The following RNASE4 variants were observed in gnomAD, a reference collection of about 807,000 sequenced individuals.
RNASE4 encodes the protein ribonuclease A family member 4.
For synonymous variants in RNASE4, 93 were observed against 71.4 expected (o/e 1.30, Z -1.52); for missense variants, 194 against 192.8 (o/e 1.01, Z -0.04).
intron 1 of RNASE4, among the ~76,000 whole-genome samples, chr14:20,691,677 T>G (rs1042838845): frequency 1.3e-5 from 2 of 152,374 alleles, no homozygotes; most frequent in African/African-American, 4.8e-5. Context: ...ACAAATTTGA[T>G]GCACTGCTGA....
At chr14:20,693,835 G>GA in intron 1 of RNASE4, 1 of 1,614,218 alleles carries the variant, frequency 6.2e-7, no homozygotes, top group Non-Finnish European at 8.5e-7. Flanking sequence ...CCCTCACAGA[G>GA]AAAACCTAAG....
Position 20,693,601 on chromosome 14 carries a change from G to C in RNASE4, c.-17-5754G>C, listed in dbSNP as rs1007714988. The stretch of plus-strand genomic sequence containing the variant: ...CCTGGGCGTTTTGTTGTTGGTCTTC[G>C]TGCTGGGTCTGGGTCTGACCCCACC... On this transcript the variant is annotated intron_variant, in intron 1 of 1. Transcript: ENST00000555835. 3.1e-6 allele frequency: 5 copies of C among 1,613,676 alleles called. No individual in the cohort carries two copies. The African/African-American group carries it at 5.3e-5, about 17-fold the overall frequency.
chr14:20,699,541 T>C lies in RNASE4; in HGVS notation c.170T>C (p.Met57Thr). The C allele has an allele frequency of 1.9e-6, 3 of 1,614,214 alleles. No homozygotes were observed. The highest frequency in any genetic ancestry group is 1.7e-6 in the Non-Finnish European group (2 of 1,180,046). Residue 57 changes from methionine to threonine, a missense_variant, in exon 2 of 2, where the codon ATG becomes ACG. Coordinates refer to ENST00000555835, the MANE Select transcript of RNASE4 (RefSeq NM_002937.5). ...AGTGATCGCTACTGCAACTTGATGA[T>C]GCAAAGACGGAAGATGACTTTGTAT... ...GGSDRYCNLM[M>T]QRRKMTLYHC...
chr14:20,700,190 A>T lies in RNASE4; in HGVS notation c.*375A>T. ...CTTATAATGATGTCACTACATATAGAAGCTCAAAGTTAAGGGATTTGCTGA... is the reference window on the plus strand; with the variant it reads ...CTTATAATGATGTCACTACATATAGTAGCTCAAAGTTAAGGGATTTGCTGA... On this transcript the variant is annotated 3_prime_UTR_variant, in exon 2 of 2. Coordinates refer to ENST00000555835, the MANE Select transcript of RNASE4 (RefSeq NM_002937.5). The T allele has an allele frequency of 5.5e-6, 1 of 183,446 alleles. No individual in the cohort carries two copies. The highest frequency in any genetic ancestry group is 1.3e-5 in the Non-Finnish European group (1 of 78,026). 11.4% of individuals were successfully genotyped at this position (183,446 alleles called of 1,614,324 possible). A position where few individuals can be genotyped will look rare whatever the true frequency, so the allele number is the denominator to read the frequency against.
rs181271849 is a variant in RNASE4, at chr14:20,685,589, A to G, written c.-18+831A>G. Among the ~76,000 whole-genome samples the G allele has an allele frequency of 9.8e-5, 15 of 152,348 alleles. No homozygotes were observed. In the East Asian group the frequency reaches 1.3e-3, roughly 14 times the overall value. ...TTTTGCAAGAGGATAGGTTTATTAC[A>G]TACGCTTCAATTCAAGCAATTCTTT... is the stretch of plus-strand genomic sequence containing the variant. On this transcript the variant is annotated intron_variant, in intron 1 of 1. Coordinates refer to ENST00000555835, the MANE Select transcript of RNASE4 (RefSeq NM_002937.5).
chr14:20,698,343 G>T (rs940960110), intron 1 of RNASE4, among the ~76,000 whole-genome samples: 2 of 152,148 alleles, frequency 1.3e-5, no homozygotes, highest in Non-Finnish European at 2.9e-5. Context: ...TATCTCCATG[G>T]CCTAGATTTT....
intron 1 of RNASE4, among the ~76,000 whole-genome samples, chr14:20,692,227 A>C (rs886806039): frequency 6.6e-6 from 1 of 152,226 alleles, no homozygotes; most frequent in African/African-American, 2.4e-5. Flanking sequence ...AGAATTTCTC[A>C]GTATGTGTGA....
chr14:20,686,990 GGA>G (rs1167482661), intron 1 of RNASE4, among the ~76,000 whole-genome samples: 11 of 152,204 alleles, frequency 7.2e-5, no homozygotes, highest in South Asian at 4.2e-4. Context: ...TTGGCTTGAG[GGA>G]GAGAGAGAAA....
intron 1 of RNASE4, among the ~76,000 whole-genome samples, chr14:20,694,528 G>C (rs1887008293): frequency 6.6e-6 from 1 of 152,034 alleles, no homozygotes; most frequent in Admixed American, 6.5e-5. Flanking sequence ...TTGAACTCCT[G>C]ACCTCGGGAG....
chr14:20,691,607 A>G (rs927282039), intron 1 of RNASE4, among the ~76,000 whole-genome samples: 10 of 152,212 alleles, frequency 6.6e-5, no homozygotes, highest in African/African-American at 2.2e-4. Context: ...CACTTTCAGC[A>G]TGGAATTTCA....
intron 1 of RNASE4, among the ~76,000 whole-genome samples, chr14:20,695,258 G>A (rs1887046265): frequency 6.6e-6 from 1 of 152,094 alleles, no homozygotes; most frequent in African/African-American, 2.4e-5. Flanking sequence ...AGCTGGGCGT[G>A]GTGGCACACA....
chr14:20,696,551 C>A (rs8005306), intron 1 of RNASE4, among the ~76,000 whole-genome samples: 15,326 of 151,896 alleles, frequency 0.1, 1,259 homozygotes, highest in African/African-American at 0.23. Context: ...GGAGAAGAAA[C>A]ATTTTTCTAG....
chr14:20,685,240 A>G (rs1886370125), intron 1 of RNASE4, among the ~76,000 whole-genome samples: 2 of 152,130 alleles, frequency 1.3e-5, no homozygotes, highest in Admixed American at 1.3e-4. Flanking sequence ...TCTTAGAGAC[A>G]CTTGCCAACA....
In RNASE4 at chr14:20,700,361, A is replaced by G. The variant is rs1887253412; in HGVS notation, c.*546A>G. On this transcript the variant is annotated 3_prime_UTR_variant, in exon 2 of 2. Coordinates refer to ENST00000555835, the MANE Select transcript of RNASE4 (RefSeq NM_002937.5). ...AATTCACCTGTCAGGGAGGCATTAA[A>G]AATTTGGAAATGTATGCCAGCAAAA... is the stretch of plus-strand genomic sequence containing the variant. 6.0e-6 allele frequency: 1 copy of G among 167,150 alleles called. No homozygotes were observed. The highest frequency in any genetic ancestry group is 2.4e-5 in the African/African-American group (1 of 41,450). 10.4% of individuals were successfully genotyped at this position (167,150 alleles called of 1,614,324 possible).
At chr14:20,693,972 T>C (rs761921842) in intron 1 of RNASE4, 1 of 1,614,020 alleles carries the variant, frequency 6.2e-7, no homozygotes, top group African/African-American at 1.3e-5. Context: ...ATGGCTTACC[T>C]GTCCACTTGG....
chr14:20,689,453 T>C (rs777384858), intron 1 of RNASE4, among the ~76,000 whole-genome samples: 1 of 152,228 alleles, frequency 6.6e-6, no homozygotes, highest in Admixed American at 6.5e-5. Context: ...TGAAGCCACA[T>C]TGATGAAAAT....
intron 1 of RNASE4, among the ~76,000 whole-genome samples, chr14:20,693,194 G>A (rs1886890104): frequency 6.6e-6 from 1 of 152,200 alleles, no homozygotes; most frequent in Admixed American, 6.5e-5. Flanking sequence ...ACAGTCCCTG[G>A]TACCCAGTAG....
At chr14:20,693,482 G>A in intron 1 of RNASE4, 1 of 1,594,576 alleles carries the variant, frequency 6.3e-7, no homozygotes. Flanking sequence ...CAAAGCTCCT[G>A]TCCTTTTGGC....
In RNASE4 at chr14:20,693,037, C is replaced by T. The variant is rs544359710; in HGVS notation, c.-17-6318C>T. Among the ~76,000 whole-genome samples, 8 of 151,638 alleles carry T rather than the reference C, an allele frequency of 5.3e-5. No homozygotes were observed. In the East Asian group the frequency reaches 5.8e-4, roughly 11 times the overall value. ...TAATTTTTTGTATTTTTAGTAGAGACGGGGTTTCACCGTGGTAGCCAGGAT... is the reference window on the plus strand; with the variant it reads ...TAATTTTTTGTATTTTTAGTAGAGATGGGGTTTCACCGTGGTAGCCAGGAT... On this transcript the variant is annotated intron_variant, in intron 1 of 1. Coordinates refer to ENST00000555835, the MANE Select transcript of RNASE4 (RefSeq NM_002937.5).
Sources: allele counts gnomAD v4.1 joint callset (sites outside exome capture counted in the v4.1 genomes callset), GRCh38; gene constraint gnomAD v4.1.1; transcripts MANE v1.5; gene names NCBI Gene and HGNC (gene_info 2026-07-23, HGNC 2026-07-21).